The following TMEM116 variants were observed in gnomAD, a reference collection of about 807,000 sequenced individuals.
TMEM116 encodes the protein transmembrane protein 116.
Under a neutral mutation model 44.3 loss-of-function variants are expected in TMEM116, and 38 were observed. The ratio of observed to expected loss-of-function variants is 0.86; its 90% CI spans 0.66 to 1.12. The LOEUF (loss-of-function observed/expected upper bound fraction) is 1.12, where lower values mean the gene tolerates loss of function less well. TMEM116 is among the 50% of genes most tolerant of loss of function. TMEM116 has a pLI of 0.00. For synonymous variants in TMEM116, 132 were observed against 144.8 expected (o/e 0.91, Z 0.64); for missense variants, 354 against 401.7 (o/e 0.88, Z 1.01).
intron 5 of TMEM116, among the ~76,000 whole-genome samples, chr12:111,940,474 T>TACACACACACACAC (rs199977734): frequency 0.087 from 9,252 of 106,714 alleles, 376 homozygotes; most frequent in Middle Eastern, 0.19. Context: ...CATATATATA[T>TACACACACACACAC]ATACATACAC....
chr12:112,003,343 C>T (rs145210452), intron 3 of TMEM116, among the ~76,000 whole-genome samples: 3 of 152,072 alleles, frequency 2.0e-5, no homozygotes, highest in Admixed American at 2.0e-4. Context: ...CCAAGGCAGG[C>T]GGATCATGAG....
At chr12:112,010,231 A>G (rs996727524) in intron 1 of TMEM116, among the ~76,000 whole-genome samples, 11 of 152,206 alleles carry the variant, frequency 7.2e-5, no homozygotes, top group Admixed American at 6.5e-4. Flanking sequence ...CACCAGTTAC[A>G]TAAAGCCTTG....
intron 3 of TMEM116, among the ~76,000 whole-genome samples, chr12:112,000,376 C>T (rs560856644): frequency 2.6e-5 from 4 of 152,232 alleles, no homozygotes; most frequent in East Asian, 3.9e-4. Flanking sequence ...AAATTCATCC[C>T]TCAGAAATGA....
At chr12:111,988,811 G>A (rs1889072807) in intron 4 of TMEM116, among the ~76,000 whole-genome samples, 2 of 151,792 alleles carry the variant, frequency 1.3e-5, no homozygotes, top group Admixed American at 1.3e-4. Flanking sequence ...CCAACATAGT[G>A]AAACCCCGTC....
intron 1 of TMEM116, chr12:112,006,069 C>G (rs1422988316): frequency 1.3e-6 from 1 of 748,354 alleles, no homozygotes; most frequent in Non-Finnish European, 1.6e-6. Context: ...AAGCAGTGAA[C>G]AGGTGGCTCC....
At chr12:111,969,932 G>A (rs1003463732) in intron 4 of TMEM116, among the ~76,000 whole-genome samples, 1 of 152,034 alleles carries the variant, frequency 6.6e-6, no homozygotes. Context: ...AGACATTGCA[G>A]AAGAAAAATT....
chr12:111,932,542 T>G (rs1432384727), intron 10 of TMEM116, 44 bp downstream of exon 10: 3 of 1,505,820 alleles, frequency 2.0e-6, no homozygotes, highest in Non-Finnish European at 2.8e-6. Flanking sequence ...GAAAATAGGA[T>G]AAGCGGGTGT....
At chr12:111,932,080 C>A (rs934590665) in intron 10 of TMEM116, among the ~76,000 whole-genome samples, 1 of 152,028 alleles carries the variant, frequency 6.6e-6, no homozygotes, top group Non-Finnish European at 1.5e-5. Flanking sequence ...CAGTGCCCCC[C>A]CTTATTGCCT....
At chr12:112,005,478 G>A (rs534518910) in intron 1 of TMEM116, 175 bp from the exon 2 acceptor site, 65 of 493,576 alleles carry the variant, frequency 1.3e-4, no homozygotes, top group African/African-American at 1.2e-3. Context: ...AAGACAAGGT[G>A]CTCCTTTTTT....
chr12:112,007,622 C>T (rs1198459018), intron 1 of TMEM116, among the ~76,000 whole-genome samples: 1 of 152,144 alleles, frequency 6.6e-6, no homozygotes, highest in Non-Finnish European at 1.5e-5. Context: ...ATTTTAAGGC[C>T]TCTACTCATA....
intron 3 of TMEM116, chr12:111,993,732 G>T: frequency 1.5e-6 from 1 of 663,248 alleles, no homozygotes; most frequent in East Asian, 3.0e-5. Flanking sequence ...TGGTTCGGAA[G>T]CCCTGTGGTG....
At chr12:111,951,487 T>C (rs1177990676) in intron 4 of TMEM116, among the ~76,000 whole-genome samples, 2 of 152,170 alleles carry the variant, frequency 1.3e-5, no homozygotes, top group Non-Finnish European at 2.9e-5. Flanking sequence ...CATACAGTCA[T>C]AAAAAAGGAC....
At chr12:111,993,320 TAAG>T (rs1335406378) in intron 3 of TMEM116, 38 of 497,910 alleles carry the variant, frequency 7.6e-5, no homozygotes, top group Non-Finnish European at 1.2e-4. Context: ...CAGTTACACT[TAAG>T]GAGGATGGTG....
intron 4 of TMEM116, among the ~76,000 whole-genome samples, chr12:111,968,042 T>C (rs1274581417): frequency 1.3e-5 from 2 of 151,540 alleles, no homozygotes; most frequent in Admixed American, 6.6e-5. Flanking sequence ...GTAGCTAGAA[T>C]TCATTGGAAA....
intron 6 of TMEM116, among the ~76,000 whole-genome samples, chr12:111,937,504 T>G (rs2285695): frequency 0.27 from 40,917 of 152,102 alleles, 7,193 homozygotes; most frequent in East Asian, 0.85. Flanking sequence ...GAATCTCTGG[T>G]AGCTGTATGG....
At chr12:111,946,899 TC>T (rs1282897360) in intron 4 of TMEM116, among the ~76,000 whole-genome samples, 1 of 152,048 alleles carries the variant, frequency 6.6e-6, no homozygotes, top group Non-Finnish European at 1.5e-5. Flanking sequence ...CGTCTGCAAT[TC>T]AAAAAAGCTG....
intron 4 of TMEM116, among the ~76,000 whole-genome samples, chr12:111,973,129 C>T (rs967878018): frequency 2.0e-5 from 3 of 151,814 alleles, no homozygotes; most frequent in Non-Finnish European, 4.4e-5. Flanking sequence ...TAGGGTGGGA[C>T]TCTGTCTCAA....
chr12:111,942,082 G>C (rs2072874250), intron 5 of TMEM116, among the ~76,000 whole-genome samples: 1 of 151,978 alleles, frequency 6.6e-6, no homozygotes, highest in Non-Finnish European at 1.5e-5. Context: ...GGGATTACAG[G>C]CATGCGCCAC....
chr12:111,984,060 A>C (rs953157664), intron 4 of TMEM116, among the ~76,000 whole-genome samples: 2 of 152,212 alleles, frequency 1.3e-5, no homozygotes, highest in Non-Finnish European at 2.9e-5. Context: ...AGAATTAAGG[A>C]AAAAACTATC....
Sources: allele counts gnomAD v4.1 joint callset (sites outside exome capture counted in the v4.1 genomes callset), GRCh38; gene constraint gnomAD v4.1.1; transcripts MANE v1.5; gene names NCBI Gene and HGNC (gene_info 2026-07-23, HGNC 2026-07-21).